Variants in GRM1 observed in about 807,000 individuals in gnomAD.
The protein encoded by GRM1 is metabotropic glutamate receptor 1.
In GRM1, 33 loss-of-function variants were observed where a neutral mutation model predicts 90.9. The observed-to-expected ratio is 0.36, with a 90% confidence interval of 0.28 to 0.49. The LOEUF is 0.49. Among genes scored for constraint, GRM1 ranks in the 20% least tolerant of loss-of-function variants. The pLI, the probability that GRM1 is intolerant of heterozygous loss-of-function variation, is 0.99. For synonymous variants in GRM1, 700 were observed against 613.2 expected, an observed-to-expected ratio of 1.14 and a Z score of -2.09; for missense variants, 1,190 against 1,534.3, an observed-to-expected ratio of 0.78 and a Z score of 3.75.
chr6:146,234,257 A>G (rs1780552303), intron 2 of GRM1, among the ~76,000 whole-genome samples: 1 of 152,006 alleles, frequency 6.6e-6, no homozygotes, highest in African/African-American at 2.4e-5. Flanking sequence ...GGTAGCATAT[A>G]ACAGCATACA....
chr6:146,185,033 A>T (rs926856757), intron 2 of GRM1, among the ~76,000 whole-genome samples: 2 of 152,236 alleles, frequency 1.3e-5, no homozygotes, highest in African/African-American at 4.8e-5. Flanking sequence ...GGTCAACAAA[A>T]GGTCAGCTTA....
chr6:146,426,999 CT>C (rs532293165), intron 7 of GRM1, among the ~76,000 whole-genome samples: 1 of 151,686 alleles, frequency 6.6e-6, no homozygotes, highest in Non-Finnish European at 1.5e-5. Flanking sequence ...CTTTTCTTTT[CT>C]TTTTTTGCCT....
At chr6:146,261,987 A>G (rs892952175) in intron 2 of GRM1, among the ~76,000 whole-genome samples, 3 of 151,714 alleles carry the variant, frequency 2.0e-5, no homozygotes, top group Admixed American at 1.3e-4. Flanking sequence ...AGGGCACGCC[A>G]TGTTTCAAGT....
In GRM1 at chr6:146,066,091, G is replaced by T. The variant is rs1232864607; in HGVS notation, c.700+35874G>T. 3.3e-5 allele frequency among the ~76,000 whole-genome samples: 5 copies of T among 152,032 alleles called. No homozygotes were observed. The East Asian group carries it at 7.7e-4, about 23-fold the overall frequency. On this transcript the variant is annotated intron_variant, in intron 1 of 7. Transcript: ENST00000282753. ...TTCCAACTTTTATTTTGGAACCAGGGGGTACATGTGCAGATTTCTTACAAA... is the reference window on the plus strand; with the variant it reads ...TTCCAACTTTTATTTTGGAACCAGGTGGTACATGTGCAGATTTCTTACAAA...
intron 1 of GRM1, among the ~76,000 whole-genome samples, chr6:146,057,768 G>A (rs1238240370): frequency 1.3e-5 from 2 of 152,012 alleles, no homozygotes; most frequent in Admixed American, 1.3e-4. Context: ...GTGACACTGA[G>A]TATATGGAAT....
At chr6:146,092,851 T>C (rs572627660) in intron 1 of GRM1, among the ~76,000 whole-genome samples, 3 of 152,258 alleles carry the variant, frequency 2.0e-5, no homozygotes, top group South Asian at 4.1e-4. Context: ...TAGGATCTTA[T>C]TGATTTCGCC....
chr6:146,199,734 C>G (rs1476836562), intron 2 of GRM1, among the ~76,000 whole-genome samples: 1 of 150,934 alleles, frequency 6.6e-6, no homozygotes, highest in Admixed American at 6.6e-5. Context: ...AGTGCTAACT[C>G]TCACCGGGTA....
chr6:146,147,631 A>G (rs1327959895), intron 1 of GRM1, among the ~76,000 whole-genome samples: 3 of 152,202 alleles, frequency 2.0e-5, no homozygotes, highest in African/African-American at 4.8e-5. Context: ...TATTAAAAAT[A>G]ATTATTCTCT....
At chr6:146,037,583 G>A (rs926842215) in intron 1 of GRM1, among the ~76,000 whole-genome samples, 8 of 151,780 alleles carry the variant, frequency 5.3e-5, no homozygotes, top group African/African-American at 1.2e-4. Context: ...CTGTCATTTA[G>A]CAGCTTCTAG....
At chr6:146,415,841 A>G (rs1011702291) in intron 7 of GRM1, among the ~76,000 whole-genome samples, 1 of 152,182 alleles carries the variant, frequency 6.6e-6, no homozygotes. Flanking sequence ...ATTTTGTCAG[A>G]TTCTTCTGTA....
intron 2 of GRM1, among the ~76,000 whole-genome samples, chr6:146,274,695 A>G (rs538899985): frequency 1.5e-4 from 23 of 152,344 alleles, no homozygotes; most frequent in African/African-American, 5.5e-4. Flanking sequence ...TTTCAATGAT[A>G]TAGGCTTGAA....
At chr6:146,320,965 A>G (rs185498844) in intron 3 of GRM1, among the ~76,000 whole-genome samples, 17 of 151,694 alleles carry the variant, frequency 1.1e-4, no homozygotes, top group Admixed American at 7.2e-4. Flanking sequence ...TCATGTCGCT[A>G]TCTCCTTCAG....
chr6:146,126,404 T>G (rs1401767274), intron 1 of GRM1, among the ~76,000 whole-genome samples: 1 of 152,172 alleles, frequency 6.6e-6, no homozygotes, highest in Non-Finnish European at 1.5e-5. Context: ...CACATATATT[T>G]GTATACAAGT....
At chr6:146,096,666 T>C (rs1776884840) in intron 1 of GRM1, among the ~76,000 whole-genome samples, 1 of 152,186 alleles carries the variant, frequency 6.6e-6, no homozygotes. Context: ...AACTGTTTTG[T>C]CTTCTGTCAA....
rs187335517 is a variant in GRM1 at position 146,322,803 on chromosome 6, T to G, written c.1186+17957T>G. On this transcript the variant is annotated intron_variant, in intron 3 of 7. Coordinates refer to ENST00000282753, the MANE Select transcript of GRM1 (RefSeq NM_001278064.2). ...AGTGTGGGATGTTCCCCTTCCTGTGTCCATGTGTTCTCATTGTTCAATTCC... is the reference window on the plus strand; with the variant it reads ...AGTGTGGGATGTTCCCCTTCCTGTGGCCATGTGTTCTCATTGTTCAATTCC... Among the ~76,000 whole-genome samples, 1,346 of 151,980 alleles carry G rather than the reference T, an allele frequency of 8.9e-3. 19 individuals carry two copies. The highest frequency in any genetic ancestry group is 0.03 in the African/African-American group (1,240 of 41,428).
chr6:146,173,418 A>AC (rs1288441266), intron 2 of GRM1, among the ~76,000 whole-genome samples: 1 of 151,204 alleles, frequency 6.6e-6, no homozygotes, highest in Non-Finnish European at 1.5e-5. Flanking sequence ...AAGAAAAAAA[A>AC]AAAGAAAAAG....
chr6:146,118,140 C>CTT (rs67033918), intron 1 of GRM1, among the ~76,000 whole-genome samples: 1,976 of 115,436 alleles, frequency 0.017, 75 homozygotes, highest in South Asian at 0.027. Flanking sequence ...TTCTTCTTTT[C>CTT]TTTTTTTTTT....
chr6:146,411,894 G>A (rs1468473613), intron 7 of GRM1, among the ~76,000 whole-genome samples: 1 of 152,134 alleles, frequency 6.6e-6, no homozygotes, highest in Non-Finnish European at 1.5e-5. Context: ...TCTGGAAAAG[G>A]AGGAGAGCAG....
chr6:146,307,803 T>G (rs1000467502), intron 3 of GRM1, among the ~76,000 whole-genome samples: 1 of 152,210 alleles, frequency 6.6e-6, no homozygotes, highest in African/African-American at 2.4e-5. Flanking sequence ...TAATCCCAGA[T>G]GTCACTATTT....
Sources: allele counts gnomAD v4.1 joint callset (sites outside exome capture counted in the v4.1 genomes callset), GRCh38; gene constraint gnomAD v4.1.1; transcripts MANE v1.5; gene names NCBI Gene and HGNC (gene_info 2026-07-23, HGNC 2026-07-21).